Variants in COG7 observed in about 807,000 individuals in gnomAD.
COG7 encodes conserved oligomeric Golgi complex subunit 7.
COG7 carries 49 observed loss-of-function variants against 91.5 expected under a neutral mutation model. The observed-to-expected ratio is 0.54, with a 90% confidence interval of 0.43 to 0.68. The LOEUF (loss-of-function observed/expected upper bound fraction) is 0.68, where lower values mean the gene tolerates loss of function less well. Ranked by LOEUF, COG7 falls within the 30% of genes least tolerant of loss-of-function variation. The pLI, the probability that COG7 is intolerant of heterozygous loss-of-function variation, is 0.00. For synonymous variants in COG7, 365 were observed against 388.7 expected (o/e 0.94, Z 0.72); for missense variants, 895 against 961.3 (o/e 0.93, Z 0.91).
At chr16:23,447,849 G>A (rs1227759697) in intron 1 of COG7, among the ~76,000 whole-genome samples, 1 of 151,910 alleles carries the variant, frequency 6.6e-6, no homozygotes, top group Non-Finnish European at 1.5e-5. Context: ...GCAGTGAGTT[G>A]AGATTACACC....
At chr16:23,445,238 G>C in intron 2 of COG7, 74 bp from the exon 3 acceptor site, 1 of 999,658 alleles carries the variant, frequency 1.0e-6, no homozygotes, top group Non-Finnish European at 1.6e-6. Flanking sequence ...GACTTGAAAT[G>C]TAAGTATGGT....
intron 6 of COG7, among the ~76,000 whole-genome samples, chr16:23,432,079 C>T (rs776223246): frequency 1.4e-4 from 21 of 151,754 alleles, no homozygotes; most frequent in African/African-American, 3.6e-4. Flanking sequence ...CCCAGGAGGC[C>T]GAGGCTGCAG....
At chr16:23,442,179 C>G (rs920877621) in intron 4 of COG7, among the ~76,000 whole-genome samples, 6 of 151,852 alleles carry the variant, frequency 4.0e-5, no homozygotes, top group African/African-American at 2.4e-5. Context: ...ATTCAAAATA[C>G]AAAAATTACC....
At position 23,442,502 on chromosome 16, in the gene COG7, T is replaced by C; in HGVS notation, c.579A>G (p.Val193=). The change falls in exon 4 of 17, where the codon GTA becomes GTG. Residue 193 remains valine (V), a synonymous_variant. Transcript: ENST00000307149. Reference sequence around the variant, plus strand: ...CTACAGCCTGAGAGGTGAATGCCGCTACAATCTGTGGACTGGCTAGGGCCT... The same window carrying C: ...CTACAGCCTGAGAGGTGAATGCCGCCACAATCTGTGGACTGGCTAGGGCCT... The part of the protein sequence containing the change: ...RLEALASPQI[V]AAFTSQAVDQ... The C allele has an allele frequency of 1.2e-6, 2 of 1,614,094 alleles. No individual in the cohort carries two copies. The highest frequency in any genetic ancestry group is 1.7e-6 in the Non-Finnish European group (2 of 1,180,034).
rs186820537 is a variant in COG7, at chr16:23,422,100, A to G, written c.1009+2649T>C. Among the ~76,000 whole-genome samples the G allele has an allele frequency of 3.2e-4, 49 of 152,240 alleles. No homozygotes were observed. The East Asian group carries it at 9.1e-3, about 28-fold the overall frequency. On this transcript the variant is annotated intron_variant, in intron 7 of 16. Coordinates refer to ENST00000307149, the MANE Select transcript of COG7 (RefSeq NM_153603.4). Reference sequence around the variant, plus strand: ...CAAGGCAGGAGAATCACTTGAGCCTAGGAGTTTGAGATCAGCCTGAGCAAA... The same window carrying G: ...CAAGGCAGGAGAATCACTTGAGCCTGGGAGTTTGAGATCAGCCTGAGCAAA...
intron 15 of COG7, 148 bp from the exon 16 acceptor site, chr16:23,392,671 T>G: frequency 1.1e-6 from 1 of 909,478 alleles, no homozygotes; most frequent in South Asian, 1.4e-5. Context: ...GGCTCATGCC[T>G]GTAATCCCAG....
intron 4 of COG7, among the ~76,000 whole-genome samples, chr16:23,438,116 A>T (rs529016215): frequency 6.6e-6 from 1 of 152,024 alleles, no homozygotes; most frequent in Non-Finnish European, 1.5e-5. Flanking sequence ...AAACTTGGGC[A>T]TCAAAAGATT....
In COG7 at chr16:23,403,795, G is replaced by A. The variant is rs777724580; in HGVS notation, c.1702C>T (p.Arg568Ter). 45 of 1,614,112 alleles carry A rather than the reference G, an allele frequency of 2.8e-5. No individual in the cohort carries two copies. In the South Asian group the frequency reaches 3.6e-4, roughly 13 times the overall value. The change falls in exon 13 of 17, where the codon CGA (arginine) becomes TGA (stop). Residue 568 changes from arginine to a stop codon, truncating the protein, a stop_gained. Coordinates refer to ENST00000307149, the MANE Select transcript of COG7 (RefSeq NM_153603.4). LOFTEE classifies it high-confidence loss of function. ...SSNHNLLAAP[R>*]AALTRLNQQA... Reference sequence around the variant, plus strand: ...TGGTTAAGCCGAGTCAGCGCTGCTCGAGGTGCAGCCAGCAGGTTGTGGTTG... The same window carrying A: ...TGGTTAAGCCGAGTCAGCGCTGCTCAAGGTGCAGCCAGCAGGTTGTGGTTG...
chr16:23,444,637 G>A (rs1174502091), intron 3 of COG7, among the ~76,000 whole-genome samples: 2 of 151,360 alleles, frequency 1.3e-5, no homozygotes, highest in Non-Finnish European at 2.9e-5. Context: ...CTGAGTAGCT[G>A]GAACTACAAA....
intron 14 of COG7, among the ~76,000 whole-genome samples, chr16:23,393,980 T>C (rs1420968713): frequency 7.3e-5 from 11 of 150,678 alleles, no homozygotes; most frequent in Admixed American, 2.0e-4. Flanking sequence ...GGGGCGGAGG[T>C]TGCAGTGAGC....
At chr16:23,391,032 A>C (rs1963187123) in intron 16 of COG7, among the ~76,000 whole-genome samples, 1 of 152,070 alleles carries the variant, frequency 6.6e-6, no homozygotes, top group African/African-American at 2.4e-5. Flanking sequence ...TTTGCCACAG[A>C]CCTCACCACT....
At chr16:23,402,401 A>T (rs1161909924) in intron 13 of COG7, among the ~76,000 whole-genome samples, 1 of 151,966 alleles carries the variant, frequency 6.6e-6, no homozygotes, top group Non-Finnish European at 1.5e-5. Flanking sequence ...AAATACCTAT[A>T]CAATTTTTAT....
intron 15 of COG7, among the ~76,000 whole-genome samples, chr16:23,392,984 C>T (rs1445269211): frequency 6.6e-6 from 1 of 152,142 alleles, no homozygotes; most frequent in Non-Finnish European, 1.5e-5. Context: ...CATCTGCTTA[C>T]AGAGCAGAGC....
intron 6 of COG7, among the ~76,000 whole-genome samples, chr16:23,430,232 C>A (rs974009973): frequency 4.6e-5 from 7 of 152,076 alleles, no homozygotes; most frequent in African/African-American, 1.7e-4. Flanking sequence ...AGTTCAAGAC[C>A]AGCTTGGGCA....
rs1475820564 is a variant in COG7 at position 23,444,897 on chromosome 16, C to T, written c.435+151G>A. 3.4e-5 allele frequency: 25 copies of T among 744,972 alleles called. No homozygotes were observed. The Admixed American group carries it at 4.1e-4, about 12-fold the overall frequency. 46.1% of individuals were successfully genotyped at this position (744,972 alleles called of 1,614,324 possible). On this transcript the variant is annotated intron_variant, in intron 3 of 16. Coordinates refer to ENST00000307149, the MANE Select transcript of COG7 (RefSeq NM_153603.4). The stretch of plus-strand genomic sequence containing the variant: ...GGGTGCAAGCTAAAGAGGCTGGAAA[C>T]ACACCGAGCAGCTTCAGATCTTCCC...
chr16:23,434,548 A>T, intron 5 of COG7, 88 bp downstream of exon 5: 1 of 1,002,130 alleles, frequency 1.0e-6, no homozygotes, highest in Non-Finnish European at 1.6e-6. Context: ...AAATGTTCTT[A>T]CCTTCTGAAT....
Position 23,392,471 on chromosome 16 carries a change from G to A in COG7, c.2055C>T (p.Ile685=), listed in dbSNP as rs747550560. ...DNMADNWLGS[I]ARATMQTYCD... is the part of the protein sequence containing the mutation. ...AGTAGGTCTGCATTGTGGCTCTGGC[G>A]ATCGAGCCCAGCCAGTTGTCAGCCA... The change falls in exon 16 of 17, where the codon ATC becomes ATT. Residue 685 remains isoleucine, a synonymous_variant. Transcript: ENST00000307149. 1.1e-5 allele frequency: 17 copies of A among 1,614,166 alleles called. No individual in the cohort carries two copies. The highest frequency in any genetic ancestry group is 1.4e-5 in the Non-Finnish European group (16 of 1,180,040).
intron 2 of COG7, among the ~76,000 whole-genome samples, chr16:23,445,515 T>C (rs1385185630): frequency 1.3e-5 from 2 of 152,094 alleles, no homozygotes; most frequent in African/African-American, 4.8e-5. Context: ...CAGCCGGGCA[T>C]GGTGTTGCAC....
intron 9 of COG7, chr16:23,415,726 G>A (rs1424989183): frequency 3.9e-5 from 6 of 152,228 alleles, no homozygotes; most frequent in African/African-American, 1.2e-4. Context: ...ACCACCGGTT[G>A]GCCACTATAC....
Sources: allele counts gnomAD v4.1 joint callset (sites outside exome capture counted in the v4.1 genomes callset), GRCh38; gene constraint gnomAD v4.1.1; transcripts MANE v1.5; gene names NCBI Gene and HGNC (gene_info 2026-07-23, HGNC 2026-07-21).